Variants in DPP6 observed in about 807,000 individuals in gnomAD.
DPP6 encodes the protein A-type potassium channel modulatory protein DPP6.
In DPP6, 69 loss-of-function variants were observed where a neutral mutation model predicts 122.6. That is an observed-to-expected ratio of 0.56 (90% CI 0.46 to 0.69). DPP6 has a LOEUF of 0.69. Among genes scored for constraint, DPP6 ranks in the 30% least tolerant of loss-of-function variants. The probability of loss-of-function intolerance (pLI) is 0.00; values close to 1 mark genes in which losing one functional copy is unlikely to be tolerated. For synonymous variants in DPP6, 418 were observed against 433.1 expected, an observed-to-expected ratio of 0.97 and a Z score of 0.43; for missense variants, 928 against 1,116.9, an observed-to-expected ratio of 0.83 and a Z score of 2.41.
At chr7:153,865,903 T>G in the DPP6 span, among the ~76,000 whole-genome samples, 6 of 150,186 alleles carry the variant, frequency 4.0e-5, no homozygotes, top group East Asian at 4.0e-4. Context: ...ACATGTGGTG[T>G]TTAGTTTTTT....
intron 1 of DPP6, among the ~76,000 whole-genome samples, chr7:153,894,364 A>G (rs1799322265): frequency 6.6e-6 from 1 of 152,174 alleles, no homozygotes; most frequent in Admixed American, 6.5e-5. Context: ...ACATTTTAGA[A>G]CTCAAGAGCG....
At position 154,821,645 on chromosome 7, in the gene DPP6, T is replaced by TATATATATACAC. The variant is rs1362252192; in HGVS notation, c.1666+14534_1666+14535insTATATATACACA. Among the ~76,000 whole-genome samples, 1 of 115,184 alleles carries TATATATATACAC rather than the reference T, an allele frequency of 8.7e-6. No homozygotes were observed. Among genetic ancestry groups the TATATATATACAC allele is most frequent in the African/African-American group, 3.8e-5 (1 of 26,128 alleles). 75.6% of individuals were successfully genotyped at this position (115,184 alleles called of 152,430 possible). ...TTTTTTCTGTATATATATATATATA[T>TATATATATACAC]ACACATATATATATATATACACATA... On this transcript the variant is annotated intron_variant, in intron 16 of 25. Transcript: ENST00000377770. This position sits in a 1 kb window ranked among gnomAD's most constrained non-coding sequence, Gnocchi z 4.2.
intron 1 of DPP6, among the ~76,000 whole-genome samples, chr7:154,152,179 G>A (rs1185593173): frequency 6.6e-6 from 1 of 151,872 alleles, no homozygotes; most frequent in Admixed American, 6.6e-5. Flanking sequence ...CTGGCTACAG[G>A]GCAGTGACAG....
intron 1 of DPP6, among the ~76,000 whole-genome samples, chr7:154,311,219 G>A (rs942087739): frequency 1.1e-4 from 16 of 152,206 alleles, no homozygotes; most frequent in African/African-American, 3.9e-4. Context: ...TGCATGGGGA[G>A]CCGCGTGCAG....
At chr7:154,416,554 C>T (rs1817034064) in intron 1 of DPP6, among the ~76,000 whole-genome samples, 1 of 152,096 alleles carries the variant, frequency 6.6e-6, no homozygotes, top group South Asian at 2.1e-4. Flanking sequence ...TACTGTGCCT[C>T]ACTTATAAAT....
chr7:154,258,431 G>A (rs1802797426), intron 1 of DPP6, among the ~76,000 whole-genome samples: 1 of 152,190 alleles, frequency 6.6e-6, no homozygotes, highest in African/African-American at 2.4e-5. Flanking sequence ...CACAGAACCT[G>A]AACAGTAACT....
At chr7:154,422,991 T>A (rs573692401) in intron 1 of DPP6, among the ~76,000 whole-genome samples, 1 of 151,950 alleles carries the variant, frequency 6.6e-6, no homozygotes, top group East Asian at 1.9e-4. Flanking sequence ...CAGGGGGAGG[T>A]ATTACCTGCT....
At chr7:153,863,049 C>T in the DPP6 span, among the ~76,000 whole-genome samples, 11 of 152,156 alleles carry the variant, frequency 7.2e-5, no homozygotes, top group Non-Finnish European at 1.2e-4. Flanking sequence ...CTATCTTAAA[C>T]ATTTTATTTC....
intron 1 of DPP6, among the ~76,000 whole-genome samples, chr7:154,167,830 A>C (rs1363167957): frequency 6.6e-6 from 1 of 152,210 alleles, no homozygotes; most frequent in African/African-American, 2.4e-5. Context: ...CTCAGCATAA[A>C]TGATTTCCTT....
chr7:154,244,080 G>A (rs1484176441), intron 1 of DPP6, among the ~76,000 whole-genome samples: 1 of 151,906 alleles, frequency 6.6e-6, no homozygotes, highest in East Asian at 1.9e-4. Flanking sequence ...TAAAAACAAA[G>A]AGAACCACTC....
intron 1 of DPP6, among the ~76,000 whole-genome samples, chr7:154,259,456 T>C (rs1265390351): frequency 6.6e-6 from 1 of 152,142 alleles, no homozygotes; most frequent in Non-Finnish European, 1.5e-5. Flanking sequence ...TCAAAGAAGT[T>C]TGTTGCAAGA....
intron 1 of DPP6, among the ~76,000 whole-genome samples, chr7:154,061,373 G>A (rs1463534660): frequency 6.8e-6 from 1 of 147,094 alleles, no homozygotes; most frequent in South Asian, 2.2e-4. Flanking sequence ...GAGAAAAGAT[G>A]GCAGCTGGAC....
At chr7:154,487,015 A>G (rs375647948) in intron 3 of DPP6, among the ~76,000 whole-genome samples, 52 of 152,324 alleles carry the variant, frequency 3.4e-4, no homozygotes, top group South Asian at 2.5e-3. Flanking sequence ...CAAACGTTGC[A>G]TCCCTGGGAA....
At chr7:154,102,227 C>T (rs563172377) in intron 1 of DPP6, among the ~76,000 whole-genome samples, 2 of 152,104 alleles carry the variant, frequency 1.3e-5, no homozygotes, top group East Asian at 3.9e-4. Flanking sequence ...CTCTTGTTGC[C>T]CAGGCTGGAG....
the DPP6 span, among the ~76,000 whole-genome samples, chr7:153,858,397 C>T: frequency 7.9e-4 from 121 of 152,286 alleles, no homozygotes; most frequent in African/African-American, 2.6e-3. Flanking sequence ...ACGCTAGTAA[C>T]GGTGTAAACA....
chr7:154,804,697 C>G (rs918113309), intron 14 of DPP6, among the ~76,000 whole-genome samples: 1 of 152,286 alleles, frequency 6.6e-6, no homozygotes, highest in East Asian at 1.9e-4. Flanking sequence ...GCAGGGGGCA[C>G]CCGGAGCCAG....
chr7:154,864,903 C>T (rs1194337235), intron 17 of DPP6, among the ~76,000 whole-genome samples: 1 of 152,200 alleles, frequency 6.6e-6, no homozygotes, highest in African/African-American at 2.4e-5. Flanking sequence ...GCCTGTGTTC[C>T]GTTAGCTCTA....
At chr7:154,202,752 G>A (rs376555252) in intron 1 of DPP6, among the ~76,000 whole-genome samples, 4 of 152,260 alleles carry the variant, frequency 2.6e-5, no homozygotes, top group African/African-American at 9.6e-5. Flanking sequence ...CTCACAACAG[G>A]GCAAGGGTTT....
intron 3 of DPP6, among the ~76,000 whole-genome samples, chr7:154,536,288 G>A (rs571901285): frequency 5.3e-5 from 8 of 152,252 alleles, no homozygotes; most frequent in Non-Finnish European, 1.2e-4. Flanking sequence ...TGGGTCTATT[G>A]ATGGAATAGA....
Sources: allele counts gnomAD v4.1 joint callset (sites outside exome capture counted in the v4.1 genomes callset), GRCh38; gene constraint gnomAD v4.1.1; non-coding constraint Gnocchi (gnomAD v3.1); transcripts MANE v1.5; gene names NCBI Gene and HGNC (gene_info 2026-07-23, HGNC 2026-07-21).